Variants in CACNG8 observed in about 807,000 individuals in gnomAD.
CACNG8 encodes voltage-dependent calcium channel gamma-8 subunit.
Under a neutral mutation model 26.9 loss-of-function variants are expected in CACNG8, and 5 were observed. That is an observed-to-expected ratio of 0.19 (90% CI 0.10 to 0.39). The LOEUF (loss-of-function observed/expected upper bound fraction) is 0.39. Ranked by LOEUF, CACNG8 falls within the 10% of genes least tolerant of loss-of-function variation. The probability of loss-of-function intolerance (pLI) is 1.00; values close to 1 mark genes in which losing one functional copy is unlikely to be tolerated. For missense variants in CACNG8, 473 were observed against 609.4 expected (o/e 0.78, Z 2.36); for synonymous variants, 321 against 296.7 (o/e 1.08, Z -0.84).
chr19:53,982,477 G>T lies in CACNG8; in HGVS notation c.906G>T (p.Thr302=). 1.3e-6 allele frequency: 2 copies of T among 1,513,266 alleles called. No homozygotes were observed. The highest frequency in any genetic ancestry group is 2.5e-5 in the South Asian group (2 of 81,546). The allele number at this position is 1,513,266 out of a possible 1,614,324, so 93.7% of individuals were successfully genotyped here. A position where few individuals can be genotyped will look rare whatever the true frequency, so the allele number is the denominator to read the frequency against. The change falls in exon 4 of 4, where the codon ACG becomes ACT. Residue 302 remains threonine, a synonymous_variant. Coordinates refer to ENST00000270458, the MANE Select transcript of CACNG8 (RefSeq NM_031895.6). This position sits in a 1 kb window ranked among gnomAD's most constrained non-coding sequence, Gnocchi z 8.4. Reference sequence around the variant, plus strand: ...CCGGGGGCCCGGGCTTTGCCTCCACGGACATCTCCATGTACACGCTCAGCC... The same window carrying T: ...CCGGGGGCCCGGGCTTTGCCTCCACTGACATCTCCATGTACACGCTCAGCC...
At chr19:53,965,886 G>C (rs1252609000) in intron 1 of CACNG8, among the ~76,000 whole-genome samples, 1 of 152,018 alleles carries the variant, frequency 6.6e-6, no homozygotes, top group East Asian at 1.9e-4. Flanking sequence ...AAGGAAGTAA[G>C]AGATGGAGGA....
At chr19:53,965,140 G>A (rs1443424964) in intron 1 of CACNG8, among the ~76,000 whole-genome samples, 4 of 152,196 alleles carry the variant, frequency 2.6e-5, no homozygotes, top group Non-Finnish European at 5.9e-5. Flanking sequence ...AGCAGAACTC[G>A]AATCTCATGG....
chr19:53,985,266 T>C lies in CACNG8; in HGVS notation c.*2417T>C, dbSNP rs750823052. On this transcript the variant is annotated 3_prime_UTR_variant, in exon 4 of 4. Transcript: ENST00000270458. The stretch of plus-strand genomic sequence containing the variant: ...CGGGAAAACAGGCACAGACGCAGCT[T>C]GAGGAGGACGTGGCAGCGGTGGTGC... The C allele has an allele frequency of 1.3e-5, 2 of 152,198 alleles. No individual in the cohort carries two copies. The highest frequency in any genetic ancestry group is 2.4e-5 in the African/African-American group (1 of 41,498). 9.4% of individuals were successfully genotyped at this position (152,198 alleles called of 1,614,324 possible).
Position 53,982,031 on chromosome 19 carries a change from GCGGGGC to G in CACNG8, c.509-43_509-38del, listed in dbSNP as rs1160160395. On this transcript the variant is annotated intron_variant, in intron 3 of 3. Coordinates refer to ENST00000270458, the MANE Select transcript of CACNG8 (RefSeq NM_031895.6). This position sits in a 1 kb window ranked among gnomAD's most constrained non-coding sequence, Gnocchi z 8.4. ...GCAGGGGTCGGGGCCGGGGGCGGGG[GCGGGGC>G]CGGGGGTGGCCTCGAGGCTCCCGTC... The G allele has an allele frequency of 6.0e-6, 9 of 1,504,472 alleles. No homozygotes were observed. The highest frequency in any genetic ancestry group is 8.0e-6 in the Non-Finnish European group (9 of 1,131,464). The allele number at this position is 1,504,472 out of a possible 1,614,324, so 93.2% of individuals were successfully genotyped here. A position where few individuals can be genotyped will look rare whatever the true frequency, so the allele number is the denominator to read the frequency against.
At chr19:53,980,228 G>A (rs1467597691) in intron 3 of CACNG8, among the ~76,000 whole-genome samples, 1 of 146,216 alleles carries the variant, frequency 6.8e-6, no homozygotes, top group African/African-American at 2.5e-5. Flanking sequence ...TAGTTCTCGC[G>A]TCGCCTTCGG....
intron 1 of CACNG8, among the ~76,000 whole-genome samples, chr19:53,971,360 C>T (rs2069301794): frequency 6.6e-6 from 1 of 151,792 alleles, no homozygotes; most frequent in Non-Finnish European, 1.5e-5. Context: ...GAACAGGTAC[C>T]CAGCATAGCC....
intron 1 of CACNG8, among the ~76,000 whole-genome samples, chr19:53,965,585 G>A (rs180883743): frequency 1.4e-3 from 208 of 152,032 alleles, no homozygotes; most frequent in Non-Finnish European, 2.0e-3. Flanking sequence ...TTCATTCAAC[G>A]TCCCATTTTT....
At chr19:53,975,975 G>A (rs2069328379) in intron 1 of CACNG8, among the ~76,000 whole-genome samples, 1 of 152,170 alleles carries the variant, frequency 6.6e-6, no homozygotes. Flanking sequence ...CATGAGGTAG[G>A]TCCTGTTCTC....
At chr19:53,976,654 C>T (rs1424395783) in intron 1 of CACNG8, among the ~76,000 whole-genome samples, 1 of 151,808 alleles carries the variant, frequency 6.6e-6, no homozygotes, top group Admixed American at 6.6e-5. Flanking sequence ...CTTCATTCAA[C>T]CCTCATTTCT....
rs2069412097 is a variant in CACNG8, at chr19:53,987,027, AG to A, written c.*4181del. The A allele has an allele frequency of 1.3e-5, 2 of 152,294 alleles. No individual in the cohort carries two copies. Among genetic ancestry groups the A allele is most frequent in the South Asian group, 4.1e-4 (2 of 4,822 alleles). 9.4% of individuals were successfully genotyped at this position (152,294 alleles called of 1,614,324 possible). On this transcript the variant is annotated 3_prime_UTR_variant, in exon 4 of 4. Coordinates refer to ENST00000270458, the MANE Select transcript of CACNG8 (RefSeq NM_031895.6). ...TCTAGATCTGATGGGAAGTGCTTGG[AG>A]GGTTTTGAGCACAGGCATGCCATGA...
rs923725441 is a variant in CACNG8 at position 53,983,473 on chromosome 19, C to T, written c.*624C>T. Reference sequence around the variant, plus strand: ...GAAAGGGCCTTCTCATTCATTCATTCATTACCGGCAATTTATTTGTGCGCC... The same window carrying T: ...GAAAGGGCCTTCTCATTCATTCATTTATTACCGGCAATTTATTTGTGCGCC... On this transcript the variant is annotated 3_prime_UTR_variant, in exon 4 of 4. Transcript: ENST00000270458. The T allele has an allele frequency of 6.6e-6, 1 of 152,176 alleles. No individual in the cohort carries two copies. The highest frequency in any genetic ancestry group is 1.5e-5 in the Non-Finnish European group (1 of 68,048). 9.4% of individuals were successfully genotyped at this position (152,176 alleles called of 1,614,324 possible). A position where few individuals can be genotyped will look rare whatever the true frequency, so the allele number is the denominator to read the frequency against.
intron 1 of CACNG8, 25 bp downstream of exon 1, chr19:53,963,450 C>T: frequency 7.0e-7 from 1 of 1,425,688 alleles, no homozygotes. Flanking sequence ...GCCCTCCCCG[C>T]AGCCCCCGCC....
At chr19:53,970,975 A>G (rs1199640639) in intron 1 of CACNG8, among the ~76,000 whole-genome samples, 1 of 150,626 alleles carries the variant, frequency 6.6e-6, no homozygotes, top group Admixed American at 6.6e-5. Flanking sequence ...AAAAAGAAAT[A>G]TAACATGGGT....
chr19:53,980,091 C>CGT, intron 3 of CACNG8, 84 bp downstream of exon 3: 1 of 1,353,732 alleles, frequency 7.4e-7, no homozygotes, highest in Non-Finnish European at 9.7e-7. Context: ...TGTGTGCGCG[C>CGT]GCGCGCGTGA....
rs773734452 is a variant in CACNG8 at position 53,980,085 on chromosome 19, T to TGTGC, written c.508+79_508+80insTGCG. On this transcript the variant is annotated intron_variant, in intron 3 of 3. Transcript: ENST00000270458. ...GTGTGTGTGTGTGTGTGTGTGTGTG[T>TGTGC]GCGCGCGCGCGCGTGAGTGCAAGTG... The TGTGC allele has an allele frequency of 2.5e-3, 2,491 of 1,011,874 alleles. 10 individuals are homozygous for TGTGC. In the East Asian group the frequency reaches 0.025, roughly 10 times the overall value. 62.7% of individuals were successfully genotyped at this position (1,011,874 alleles called of 1,614,324 possible). A position where few individuals can be genotyped will look rare whatever the true frequency, so the allele number is the denominator to read the frequency against.
chr19:53,971,830 G>A (rs920425627), intron 1 of CACNG8, among the ~76,000 whole-genome samples: 3 of 152,162 alleles, frequency 2.0e-5, no homozygotes, highest in South Asian at 4.1e-4. Flanking sequence ...CCACGTGTCC[G>A]CACTGCAAGA....
chr19:53,980,530 T>G (rs2069360235), intron 3 of CACNG8, among the ~76,000 whole-genome samples: 1 of 150,874 alleles, frequency 6.6e-6, no homozygotes, highest in African/African-American at 2.4e-5. Context: ...GGCCGGGAAG[T>G]GGAAACTAAA....
chr19:53,975,130 G>C (rs1462478278), intron 1 of CACNG8, among the ~76,000 whole-genome samples: 1 of 151,612 alleles, frequency 6.6e-6, no homozygotes, highest in Non-Finnish European at 1.5e-5. Flanking sequence ...TGTGTTTTTA[G>C]TAGAGACGGG....
In CACNG8 at chr19:53,967,113, G is replaced by A. The variant is rs554130513; in HGVS notation, c.283+3688G>A. ...CAGCCTTGATCTCTCCTACTAGGATGCCAGCAGCGCCCTTCCCAGTCGTGA... is the reference window on the plus strand; with the variant it reads ...CAGCCTTGATCTCTCCTACTAGGATACCAGCAGCGCCCTTCCCAGTCGTGA... On this transcript the variant is annotated intron_variant, in intron 1 of 3. Coordinates refer to ENST00000270458, the MANE Select transcript of CACNG8 (RefSeq NM_031895.6). Among the ~76,000 whole-genome samples, 3 of 152,234 alleles carry A rather than the reference G, an allele frequency of 2.0e-5. No homozygotes were observed. In the South Asian group the frequency reaches 6.2e-4, roughly 32 times the overall value.
Sources: gnomAD v4.1 joint callset for allele counts (sites outside exome capture counted in the v4.1 genomes callset) on GRCh38, gnomAD v4.1.1 for gene constraint, Gnocchi (gnomAD v3.1) non-coding constraint, MANE v1.5 for transcripts, NCBI Gene and HGNC (gene_info 2026-07-23, HGNC 2026-07-21) for gene names.